PCDHGA1: variants seen among roughly 807,000 people sequenced by gnomAD.
The protein encoded by PCDHGA1 is protocadherin gamma subfamily A, 1.
A neutral mutation model predicts 58.0 loss-of-function variants in PCDHGA1; 32 were observed. The ratio of observed to expected loss-of-function variants is 0.55; its 90% CI spans 0.42 to 0.74. The LOEUF (loss-of-function observed/expected upper bound fraction) is 0.74, where lower values mean the gene tolerates loss of function less well. PCDHGA1 is among the 30% of genes least tolerant of loss of function. PCDHGA1 has a pLI of 0.00. For synonymous variants in PCDHGA1, 498 were observed against 501.1 expected, an observed-to-expected ratio of 0.99 and a Z score of 0.08; for missense variants, 1,205 against 1,182.3, an observed-to-expected ratio of 1.02 and a Z score of -0.28.
At position 141,421,815 on chromosome 5, in the gene PCDHGA1, A is replaced by C. The variant is rs746563152; in HGVS notation, c.2422-72992A>C. ...ATGGGGCCAAGAATCCAGAGCTAGTACTGGAGGGAAGCCTGGACCGAGAGA... is the reference window on the plus strand; with the variant it reads ...ATGGGGCCAAGAATCCAGAGCTAGTCCTGGAGGGAAGCCTGGACCGAGAGA... On this transcript the variant is annotated intron_variant, in intron 1 of 3. Coordinates refer to ENST00000517417, the MANE Select transcript of PCDHGA1 (RefSeq NM_018912.3). 4 of 1,613,764 alleles carry C rather than the reference A, an allele frequency of 2.5e-6. No individual in the cohort carries two copies. The South Asian group carries it at 3.3e-5, about 13-fold the overall frequency.
intron 1 of PCDHGA1, chr5:141,479,750 G>T: frequency 6.6e-6 from 1 of 152,310 alleles, no homozygotes. Context: ...CAATGTGAAA[G>T]GTAGATAAAT....
chr5:141,365,477 G>A, intron 1 of PCDHGA1: 3 of 1,613,994 alleles, frequency 1.9e-6, no homozygotes, highest in Non-Finnish European at 2.5e-6. Flanking sequence ...TGGTGAGATT[G>A]CATGCTCTAT....
At chr5:141,376,831 C>A in intron 1 of PCDHGA1, 1 of 256,752 alleles carries the variant, frequency 3.9e-6, no homozygotes, top group Non-Finnish European at 7.4e-6. Context: ...GGACTACAGG[C>A]GCCCGCCACC....
At chr5:141,429,240 TGA>T (rs998506084) in intron 1 of PCDHGA1, 1 of 151,858 alleles carries the variant, frequency 6.6e-6, no homozygotes, top group Non-Finnish European at 1.5e-5. Context: ...CTGCTGTCAT[TGA>T]GATATTTTAA....
chr5:141,350,095 G>A, intron 1 of PCDHGA1: 1 of 464,990 alleles, frequency 2.2e-6, no homozygotes, highest in Non-Finnish European at 3.6e-6. Context: ...GCGTCAGGCA[G>A]GGTGCCTTCC....
In PCDHGA1 at chr5:141,489,576, C is replaced by T; in HGVS notation, c.2422-5231C>T. 1.9e-6 allele frequency: 3 copies of T among 1,614,054 alleles called. No individual in the cohort carries two copies. Among genetic ancestry groups the T allele is most frequent in the Non-Finnish European group, 2.5e-6 (3 of 1,179,976 alleles). Reference sequence around the variant, plus strand: ...TGCCAGTGCAGGTGGTGACTGAACACCCCCTGGAGCTAATCCGTGTAGAGG... The same window carrying T: ...TGCCAGTGCAGGTGGTGACTGAACATCCCCTGGAGCTAATCCGTGTAGAGG... On this transcript the variant is annotated intron_variant, in intron 1 of 3. Coordinates refer to ENST00000517417, the MANE Select transcript of PCDHGA1 (RefSeq NM_018912.3). This position sits in a 1 kb window ranked among gnomAD's most constrained non-coding sequence, Gnocchi z 4.5.
At chr5:141,376,216 G>A (rs1036569498) in intron 1 of PCDHGA1, 23 of 1,614,106 alleles carry the variant, frequency 1.4e-5, no homozygotes, top group Non-Finnish European at 1.9e-5. Flanking sequence ...TCATCGTGCT[G>A]CTGGCGCTCA....
rs1460072742 is a variant in PCDHGA1, at chr5:141,399,761, G to A, written c.2421+66656G>A. 3 of 1,613,238 alleles carry A rather than the reference G, an allele frequency of 1.9e-6. No individual in the cohort carries two copies. The highest frequency in any genetic ancestry group is 1.7e-4 in the Middle Eastern group (1 of 5,918). On this transcript the variant is annotated intron_variant, in intron 1 of 3. Transcript: ENST00000517417. The stretch of plus-strand genomic sequence containing the variant: ...GCGCTCAGCGCAAACGTGAGCCTGC[G>A]CGTGTTGGTGGGCGACCGAAACGAC...
Position 141,432,806 on chromosome 5 carries a change from A to G in PCDHGA1, c.2422-62001A>G, listed in dbSNP as rs755248654. 12 of 1,614,070 alleles carry G rather than the reference A, an allele frequency of 7.4e-6. No individual in the cohort carries two copies. Among genetic ancestry groups the G allele is most frequent in the Non-Finnish European group, 9.3e-6 (11 of 1,179,972 alleles). On this transcript the variant is annotated intron_variant, in intron 1 of 3. Transcript: ENST00000517417. This position sits in a 1 kb window ranked among gnomAD's most constrained non-coding sequence, Gnocchi z 6.0. ...CCTCGGCAGCCTCGAGTCTCCAGCT[A>G]ACTCTGAAACCTCAGACCTCACTCT...
rs1227250624 is a variant in PCDHGA1, at chr5:141,409,019, G to A, written c.2421+75914G>A. 4 of 1,613,996 alleles carry A rather than the reference G, an allele frequency of 2.5e-6. 1 individual carries two copies. Among genetic ancestry groups the A allele is most frequent in the Middle Eastern group, 3.3e-4 (2 of 6,062 alleles). On this transcript the variant is annotated intron_variant, in intron 1 of 3. Coordinates refer to ENST00000517417, the MANE Select transcript of PCDHGA1 (RefSeq NM_018912.3). ...GACAGCCACTGACCAGGATGAGGGG[G>A]TCAATGCTGAGATAAACTACTACTT...
intron 1 of PCDHGA1, chr5:141,398,776 G>A: frequency 6.2e-7 from 1 of 1,613,904 alleles, no homozygotes; most frequent in Non-Finnish European, 8.5e-7. Flanking sequence ...TGCCTTGGAC[G>A]GTGGACATCC....
chr5:141,504,963 AC>A (rs1409940135), intron 2 of PCDHGA1, among the ~76,000 whole-genome samples: 1 of 152,038 alleles, frequency 6.6e-6, no homozygotes, highest in Non-Finnish European at 1.5e-5. Context: ...AATGCATTGG[AC>A]CAGCCTGGCC....
At chr5:141,399,808 C>A in intron 1 of PCDHGA1, 1 of 1,613,208 alleles carries the variant, frequency 6.2e-7, no homozygotes, top group Non-Finnish European at 8.5e-7. Flanking sequence ...GGTGCTGTAC[C>A]CCGCGCTGGG....
At chr5:141,445,313 T>C (rs1186654847) in intron 1 of PCDHGA1, among the ~76,000 whole-genome samples, 8 of 152,328 alleles carry the variant, frequency 5.3e-5, no homozygotes, top group Non-Finnish European at 4.4e-5. Flanking sequence ...GTTTGTAGGT[T>C]GAGAGAACCC....
chr5:141,435,066 G>A (rs936110088), intron 1 of PCDHGA1, among the ~76,000 whole-genome samples: 3 of 151,920 alleles, frequency 2.0e-5, no homozygotes, highest in African/African-American at 7.3e-5. Context: ...GCAGTTTTGT[G>A]TAGACCGTCT....
At chr5:141,376,259 C>T (rs2150078832) in intron 1 of PCDHGA1, 1 of 1,614,236 alleles carries the variant, frequency 6.2e-7, no homozygotes, top group African/African-American at 1.3e-5. Context: ...ACGCCTGCTG[C>T]AGGCTTCGGG....
chr5:141,360,214 G>C (rs1164103342), intron 1 of PCDHGA1: 4 of 1,613,376 alleles, frequency 2.5e-6, no homozygotes, highest in Non-Finnish European at 3.4e-6. Context: ...TTTGTTCCCC[G>C]GGGCTCTCCC....
At chr5:141,349,790 GA>G (rs1214644690) in intron 1 of PCDHGA1, among the ~76,000 whole-genome samples, 3 of 151,966 alleles carry the variant, frequency 2.0e-5, no homozygotes, top group Admixed American at 6.6e-5. Flanking sequence ...AATCACTGAA[GA>G]TTTTTTTTTA....
chr5:141,347,975 A>G (rs1758045061), intron 1 of PCDHGA1, among the ~76,000 whole-genome samples: 1 of 152,214 alleles, frequency 6.6e-6, no homozygotes, highest in Non-Finnish European at 1.5e-5. Flanking sequence ...GGACATCAAA[A>G]ACATGTAAAG....
Sources: allele counts gnomAD v4.1 joint callset (sites outside exome capture counted in the v4.1 genomes callset), GRCh38; gene constraint gnomAD v4.1.1; non-coding constraint Gnocchi (gnomAD v3.1); transcripts MANE v1.5; gene names NCBI Gene and HGNC (gene_info 2026-07-23, HGNC 2026-07-21).